DMD: variants seen among roughly 807,000 people sequenced by gnomAD.
The protein encoded by DMD is mutant dystrophin.
DMD carries 63 observed loss-of-function variants against 330.1 expected under a neutral mutation model. That is an observed-to-expected ratio of 0.19 (90% CI 0.16 to 0.24). The LOEUF is 0.24. Ranked by LOEUF, DMD falls within the 10% of genes least tolerant of loss-of-function variation. The pLI is 1.00. For missense variants in DMD, 3,344 were observed against 2,684.1 expected, an observed-to-expected ratio of 1.25 and a Z score of -5.43; for synonymous variants, 1,223 against 959.8, an observed-to-expected ratio of 1.27 and a Z score of -5.07.
At chrX:32,362,105 C>T (rs2097838274) in intron 37 of DMD, among the ~76,000 whole-genome samples, 1 of 111,387 alleles carries the variant, frequency 9.0e-6, no homozygotes, top group South Asian at 3.7e-4. Flanking sequence ...TTCCATATTC[C>T]CTGGTTCTTC....
chrX:32,561,965 A>G (rs2051067069), intron 16 of DMD, among the ~76,000 whole-genome samples: 1 of 111,879 alleles, frequency 8.9e-6, no homozygotes, highest in Non-Finnish European at 1.9e-5. Context: ...AAGGAAGAAT[A>G]AAATCTTTTC....
intron 43 of DMD, among the ~76,000 whole-genome samples, chrX:32,250,009 C>G (rs899932692): frequency 2.7e-5 from 3 of 111,538 alleles, no homozygotes; most frequent in African/African-American, 9.8e-5. Flanking sequence ...ATCACAAACG[C>G]CTTGAACCAT....
At chrX:32,484,397 T>C (rs1223641129) in intron 21 of DMD, among the ~76,000 whole-genome samples, 1 of 112,325 alleles carries the variant, frequency 8.9e-6, no homozygotes, top group African/African-American at 3.2e-5. Context: ...TTTTATCTTT[T>C]ATCATCAAAG....
chrX:33,332,234 A>G (rs1300703740), intron 1 of DMD, among the ~76,000 whole-genome samples: 1 of 111,829 alleles, frequency 8.9e-6, no homozygotes, highest in Non-Finnish European at 1.9e-5. Context: ...AAAATAAACC[A>G]TAAAAAGATT....
At chrX:32,658,614 T>G (rs763439309) in intron 9 of DMD, among the ~76,000 whole-genome samples, 210 of 111,302 alleles carry the variant, frequency 1.9e-3, no homozygotes, top group Non-Finnish European at 3.2e-3. Flanking sequence ...TCTCTGAACT[T>G]CTCACTGTTG....
At chrX:31,680,679 A>G (rs988315029) in intron 52 of DMD, among the ~76,000 whole-genome samples, 3 of 110,755 alleles carry the variant, frequency 2.7e-5, no homozygotes, top group Admixed American at 9.6e-5. Context: ...CGCCTGGCCA[A>G]CTTCTTTTAA....
rs764476153 is a variant in DMD at position 32,365,092 on chromosome X, A to C, written c.4953T>G (p.Asp1651Glu). 1 of 1,210,896 alleles carries C rather than the reference A, an allele frequency of 8.3e-7. No homozygotes were observed. Among genetic ancestry groups the C allele is most frequent in the Non-Finnish European group, 1.1e-6 (1 of 895,166 alleles). Residue 1651 changes from aspartate (D) to glutamate (E), a missense_variant, in exon 35 of 79, where the codon GAT becomes GAG. Transcript: ENST00000357033. ...AGTTACTATTCAGAAGACTGAGTTT[A>C]TCTTCCACCAACGTCTCCTTCTTGC... The part of the protein sequence containing the change: ...VLGKKETLVE[D>E]KLSLLNSNWI...
chrX:32,459,118 T>C (rs1032289821), intron 25 of DMD, among the ~76,000 whole-genome samples: 2 of 111,030 alleles, frequency 1.8e-5, no homozygotes, highest in African/African-American at 6.5e-5. Context: ...AAAAATACTG[T>C]ATTGTTAAAA....
At chrX:32,739,678 A>G (rs1183141714) in intron 7 of DMD, among the ~76,000 whole-genome samples, 1 of 111,852 alleles carries the variant, frequency 8.9e-6, no homozygotes, top group Non-Finnish European at 1.9e-5. Context: ...AAATGTGACC[A>G]TGGACAGTCG....
chrX:31,797,018 A>G (rs2091863440), intron 50 of DMD, among the ~76,000 whole-genome samples: 1 of 111,959 alleles, frequency 8.9e-6, no homozygotes, highest in Non-Finnish European at 1.9e-5. Context: ...CAGAACCATG[A>G]GCCAAATAAA....
chrX:32,955,237 A>G (rs1410351907), intron 2 of DMD, among the ~76,000 whole-genome samples: 4 of 111,545 alleles, frequency 3.6e-5, no homozygotes, highest in Non-Finnish European at 5.7e-5. Context: ...AGCCGTCCTG[A>G]CTGGTGTGAG....
intron 9 of DMD, among the ~76,000 whole-genome samples, chrX:32,656,341 C>T (rs779634358): frequency 1.2e-3 from 131 of 111,713 alleles, no homozygotes; most frequent in Non-Finnish European, 2.0e-3. Flanking sequence ...GGCAACAGGA[C>T]TATGGATCCC....
intron 7 of DMD, among the ~76,000 whole-genome samples, chrX:32,730,579 C>A (rs911468433): frequency 9.0e-6 from 1 of 111,379 alleles, no homozygotes; most frequent in East Asian, 2.8e-4. Context: ...AAGATGTTTG[C>A]CCTAGGAATA....
chrX:31,499,486 G>GTTTTTTTTTTTT (rs2070208408), intron 56 of DMD, among the ~76,000 whole-genome samples: 2 of 78,083 alleles, frequency 2.6e-5, no homozygotes, highest in African/African-American at 1.0e-4. Flanking sequence ...AGGGAATTCA[G>GTTTTTTTTTTTT]TTCTTTTTTT....
chrX:32,888,062 CT>C (rs201921682), intron 2 of DMD, among the ~76,000 whole-genome samples: 1,536 of 109,574 alleles, frequency 0.014, 43 homozygotes, highest in Admixed American at 0.08. Flanking sequence ...CCTCAACAGA[CT>C]TTTTTTTTGA....
intron 44 of DMD, among the ~76,000 whole-genome samples, chrX:32,073,496 CCT>C (rs2096317281): frequency 9.0e-6 from 1 of 110,637 alleles, no homozygotes; most frequent in African/African-American, 3.3e-5. Context: ...TTTACAACCC[CCT>C]CTTTTTAAAT....
intron 7 of DMD, among the ~76,000 whole-genome samples, chrX:32,757,030 A>T (rs1333433224): frequency 9.0e-6 from 1 of 111,552 alleles, no homozygotes; most frequent in African/African-American, 3.3e-5. Flanking sequence ...TAAAGAGATT[A>T]GCTCCATTTT....
chrX:32,631,479 G>A (rs753123465), intron 11 of DMD, among the ~76,000 whole-genome samples: 2 of 112,093 alleles, frequency 1.8e-5, no homozygotes, highest in Non-Finnish European at 3.8e-5. Context: ...CTGGGGTCAT[G>A]TATTAGGCCA....
At chrX:31,898,872 A>G (rs1400151606) in intron 47 of DMD, among the ~76,000 whole-genome samples, 1 of 111,894 alleles carries the variant, frequency 8.9e-6, no homozygotes, top group Non-Finnish European at 1.9e-5. Context: ...TTTCTTCAGG[A>G]AAACACATCA....
Sources: allele counts gnomAD v4.1 joint callset (sites outside exome capture counted in the v4.1 genomes callset), GRCh38; gene constraint gnomAD v4.1.1; transcripts MANE v1.5; gene names NCBI Gene and HGNC (gene_info 2026-07-23, HGNC 2026-07-21).